PCDHGB6: variants seen among roughly 807,000 people sequenced by gnomAD.
The protein encoded by PCDHGB6 is protocadherin gamma subfamily B, 6, also known as protocadherin gamma-B6.
In PCDHGB6, 51 loss-of-function variants were observed where a neutral mutation model predicts 59.1. The ratio of observed to expected loss-of-function variants is 0.86; its 90% CI spans 0.69 to 1.09. The LOEUF (loss-of-function observed/expected upper bound fraction) is 1.09. Ranked by LOEUF, PCDHGB6 falls within the 50% of genes least tolerant of loss-of-function variation. The pLI is 0.00. For missense variants in PCDHGB6, 1,148 were observed against 1,205.1 expected, an observed-to-expected ratio of 0.95 and a Z score of 0.70; for synonymous variants, 466 against 495.1, an observed-to-expected ratio of 0.94 and a Z score of 0.78.
At chr5:141,427,294 AT>A (rs2097012877) in intron 1 of PCDHGB6, 1 of 456,758 alleles carries the variant, frequency 2.2e-6, no homozygotes, top group Non-Finnish European at 4.4e-6. Flanking sequence ...GAAATCCTAG[AT>A]GAGAATGACA....
chr5:141,489,867 G>C lies in PCDHGB6; in HGVS notation c.2419-4940G>C. ...ATCGTGAAGCCCAGGCAAGACATCA[G>C]CTGGTGCTTACTGCTGTGGATGGGG... On this transcript the variant is annotated intron_variant, in intron 1 of 3. Transcript: ENST00000520790. This position sits in a 1 kb window ranked among gnomAD's most constrained non-coding sequence, Gnocchi z 4.5. 1 of 1,614,240 alleles carries C rather than the reference G, an allele frequency of 6.2e-7. No individual in the cohort carries two copies. Among genetic ancestry groups the C allele is most frequent in the Non-Finnish European group, 8.5e-7 (1 of 1,180,034 alleles).
At chr5:141,452,781 A>G (rs575869415) in intron 1 of PCDHGB6, among the ~76,000 whole-genome samples, 10 of 152,302 alleles carry the variant, frequency 6.6e-5, no homozygotes, top group African/African-American at 2.4e-4. Flanking sequence ...CTGAGAAAGT[A>G]ACATACCATC....
chr5:141,490,336 G>T lies in PCDHGB6; in HGVS notation c.2419-4471G>T. 2 of 1,614,224 alleles carry T rather than the reference G, an allele frequency of 1.2e-6. No individual in the cohort carries two copies. The highest frequency in any genetic ancestry group is 8.5e-7 in the Non-Finnish European group (1 of 1,180,040). ...CCCTGTCCTAGAGAGCACACCAGTGGGCACAGTAGTGGGGTTGTTTAATGT... is the reference window on the plus strand; with the variant it reads ...CCCTGTCCTAGAGAGCACACCAGTGTGCACAGTAGTGGGGTTGTTTAATGT... On this transcript the variant is annotated intron_variant, in intron 1 of 3. Transcript: ENST00000520790. This position sits in a 1 kb window ranked among gnomAD's most constrained non-coding sequence, Gnocchi z 5.4.
intron 1 of PCDHGB6, among the ~76,000 whole-genome samples, chr5:141,433,408 A>ATCT (rs1413347413): frequency 3.1e-3 from 395 of 127,344 alleles, no homozygotes; most frequent in African/African-American, 0.011. Context: ...TCTATCTATT[A>ATCT]CTTTCTTGTA....
chr5:141,509,638 A>G (rs1204228233), intron 3 of PCDHGB6, among the ~76,000 whole-genome samples: 1 of 152,174 alleles, frequency 6.6e-6, no homozygotes, highest in Admixed American at 6.5e-5. Flanking sequence ...ATGCTGAGCC[A>G]GGGCCAGAGT....
chr5:141,487,451 A>G lies in PCDHGB6; in HGVS notation c.2419-7356A>G. 6.2e-7 allele frequency: 1 copy of G among 1,614,122 alleles called. No homozygotes were observed. Among genetic ancestry groups the G allele is most frequent in the Non-Finnish European group, 8.5e-7 (1 of 1,180,006 alleles). On this transcript the variant is annotated intron_variant, in intron 1 of 3. Transcript: ENST00000520790. This position sits in a 1 kb window ranked among gnomAD's most constrained non-coding sequence, Gnocchi z 5.0. ...AATCCAGCTAGGGTCAGATGACCCT[A>G]TCAAGTTTGTTGATGTGGGAGGCCA...
At chr5:141,470,723 G>T (rs1326927605) in intron 1 of PCDHGB6, among the ~76,000 whole-genome samples, 1 of 151,852 alleles carries the variant, frequency 6.6e-6, no homozygotes, top group East Asian at 1.9e-4. Flanking sequence ...TTTGAGTCAG[G>T]GTCTTGCTCT....
At chr5:141,469,306 A>G in intron 1 of PCDHGB6, among the ~76,000 whole-genome samples, 1 of 150,500 alleles carries the variant, frequency 6.6e-6, no homozygotes, top group South Asian at 2.1e-4. Flanking sequence ...ACTGGGCACG[A>G]TGGCTCACGC....
At chr5:141,413,389 T>C (rs370906684) in intron 1 of PCDHGB6, 1 of 1,613,986 alleles carries the variant, frequency 6.2e-7, no homozygotes, top group South Asian at 1.1e-5. Context: ...CCGCATAGTC[T>C]CCAGAGGTAG....
intron 1 of PCDHGB6, among the ~76,000 whole-genome samples, chr5:141,436,720 A>G (rs1337926057): frequency 1.5e-4 from 23 of 152,216 alleles, no homozygotes; most frequent in Non-Finnish European, 3.4e-4. Context: ...TCTGTTGGGA[A>G]AAATAATAAT....
intron 1 of PCDHGB6, among the ~76,000 whole-genome samples, chr5:141,444,029 A>T (rs977610555): frequency 2.6e-5 from 4 of 152,164 alleles, no homozygotes; most frequent in African/African-American, 9.7e-5. Flanking sequence ...AAAGGAATTC[A>T]GTAAATCAGA....
rs768767029 is a variant in PCDHGB6, at chr5:141,477,838, G to A, written c.2419-16969G>A. The A allele has an allele frequency of 6.2e-7, 1 of 1,612,892 alleles. No individual in the cohort carries two copies. The highest frequency in any genetic ancestry group is 1.1e-5 in the South Asian group (1 of 90,982). ...AGGTCCTATATCCTCGGCCAGGTGG[G>A]AGCTCGGTGGAGATGCTGCCTCGAG... On this transcript the variant is annotated intron_variant, in intron 1 of 3. Transcript: ENST00000520790. This position sits in a 1 kb window ranked among gnomAD's most constrained non-coding sequence, Gnocchi z 4.9.
In PCDHGB6 at chr5:141,476,331, C is replaced by T; in HGVS notation, c.2419-18476C>T. On this transcript the variant is annotated intron_variant, in intron 1 of 3. Transcript: ENST00000520790. This position sits in a 1 kb window ranked among gnomAD's most constrained non-coding sequence, Gnocchi z 7.6. Reference sequence around the variant, plus strand: ...CGCAGGTTCCGGGTGGTGTCTGGAGCTAGCCGAAGATTCTTTGAGGTGAAC... The same window carrying T: ...CGCAGGTTCCGGGTGGTGTCTGGAGTTAGCCGAAGATTCTTTGAGGTGAAC... 1.2e-6 allele frequency: 2 copies of T among 1,614,156 alleles called. No individual in the cohort carries two copies. Among genetic ancestry groups the T allele is most frequent in the Non-Finnish European group, 1.7e-6 (2 of 1,180,042 alleles).
chr5:141,486,552 A>C lies in PCDHGB6; in HGVS notation c.2419-8255A>C. The C allele has an allele frequency of 6.2e-7, 1 of 1,614,136 alleles. No individual in the cohort carries two copies. The highest frequency in any genetic ancestry group is 1.1e-5 in the South Asian group (1 of 91,082). On this transcript the variant is annotated intron_variant, in intron 1 of 3. Coordinates refer to ENST00000520790, the MANE Select transcript of PCDHGB6 (RefSeq NM_018926.3). This position sits in a 1 kb window ranked among gnomAD's most constrained non-coding sequence, Gnocchi z 5.0. The stretch of plus-strand genomic sequence containing the variant: ...CCACCCTCTTTCTTTCAGAGGTCAC[A>C]TGAGGTGTTTGTTCCTGAGAACAAT...
Position 141,477,286 on chromosome 5 carries a change from A to G in PCDHGB6, c.2419-17521A>G, listed in dbSNP as rs1367207950. 1.9e-6 allele frequency: 3 copies of G among 1,614,194 alleles called. No individual in the cohort carries two copies. Among genetic ancestry groups the G allele is most frequent in the Non-Finnish European group, 8.5e-7 (1 of 1,180,034 alleles). ...GCGAGAACGGGCTGGTGACCTGCGA[A>G]GTTCCACCGGGTCTCCCTTTCAGCC... On this transcript the variant is annotated intron_variant, in intron 1 of 3. Coordinates refer to ENST00000520790, the MANE Select transcript of PCDHGB6 (RefSeq NM_018926.3). The surrounding 1 kb of genome is among the most constrained non-coding windows in gnomAD (Gnocchi z 4.9).
chr5:141,413,517 G>A (rs1561743187), intron 1 of PCDHGB6: 1 of 1,613,946 alleles, frequency 6.2e-7, no homozygotes. Flanking sequence ...ATATCCTTGT[G>A]GAAGACAGGG....
At chr5:141,495,771 C>T (rs941051365) in intron 2 of PCDHGB6, among the ~76,000 whole-genome samples, 1 of 152,110 alleles carries the variant, frequency 6.6e-6, no homozygotes, top group Non-Finnish European at 1.5e-5. Flanking sequence ...TGTCCTTGTC[C>T]TGGACCTCTT....
Position 141,485,741 on chromosome 5 carries a change from C to A in PCDHGB6, c.2419-9066C>A. 6.2e-7 allele frequency: 1 copy of A among 1,614,180 alleles called. No homozygotes were observed. Among genetic ancestry groups the A allele is most frequent in the Non-Finnish European group, 8.5e-7 (1 of 1,179,992 alleles). On this transcript the variant is annotated intron_variant, in intron 1 of 3. Coordinates refer to ENST00000520790, the MANE Select transcript of PCDHGB6 (RefSeq NM_018926.3). This position sits in a 1 kb window ranked among gnomAD's most constrained non-coding sequence, Gnocchi z 5.7. ...TGTGAAGAAGCGCAGCGACGGCAGC[C>A]TGGTCCCAGAGCTGCTCCTGGAGAA...
chr5:141,469,049 G>A (rs916327969), intron 1 of PCDHGB6, among the ~76,000 whole-genome samples: 3 of 152,054 alleles, frequency 2.0e-5, no homozygotes, highest in African/African-American at 2.4e-5. Context: ...GGCCAAGGTG[G>A]GAGGATTGCT....
Sources: gnomAD v4.1 joint callset for allele counts (sites outside exome capture counted in the v4.1 genomes callset) on GRCh38, gnomAD v4.1.1 for gene constraint, Gnocchi (gnomAD v3.1) non-coding constraint, MANE v1.5 for transcripts, NCBI Gene and HGNC (gene_info 2026-07-23, HGNC 2026-07-21) for gene names.